ABCB9: variants seen among roughly 807,000 people sequenced by gnomAD.
ABCB9 encodes the protein ABC-type oligopeptide transporter ABCB9.
A neutral mutation model predicts 62.0 loss-of-function variants in ABCB9; 36 were observed. That is an observed-to-expected ratio of 0.58 (90% CI 0.45 to 0.77). The LOEUF (loss-of-function observed/expected upper bound fraction) is 0.77, where lower values mean the gene tolerates loss of function less well. ABCB9 is among the 30% of genes least tolerant of loss of function. ABCB9 has a pLI of 0.00. For missense variants in ABCB9, 943 were observed against 1,054.7 expected (o/e 0.89, Z 1.47); for synonymous variants, 435 against 461.4 (o/e 0.94, Z 0.73).
rs940948186 is a variant in ABCB9, at chr12:122,940,810, C to A, written c.1566G>T (p.Leu522=). The change falls in exon 8 of 12, where the codon CTG becomes CTT. Residue 522 remains leucine (L), a synonymous_variant. Transcript: ENST00000280560. This position sits in a 1 kb window ranked among gnomAD's most constrained non-coding sequence, Gnocchi z 4.8. The stretch of plus-strand genomic sequence containing the variant: ...AGGCCTCAAGCCGCGCCCTCACCTG[C>A]AGGACCTGGGTGTGGGGCCGAGTGC... ...TYRTRPHTQV[L]QNVSFSLSPG... is the part of the protein sequence containing the mutation. 2 of 1,583,578 alleles carry A rather than the reference C, an allele frequency of 1.3e-6. No individual in the cohort carries two copies. Among genetic ancestry groups the A allele is most frequent in the South Asian group, 2.3e-5 (2 of 88,270 alleles).
chr12:122,962,868 G>T (rs2036979157), intron 1 of ABCB9, among the ~76,000 whole-genome samples: 1 of 152,178 alleles, frequency 6.6e-6, no homozygotes, highest in South Asian at 2.1e-4. Context: ...AGAAACTGAG[G>T]CCCAGAGAAG....
At chr12:122,939,009 TA>T (rs1329385714) in intron 9 of ABCB9, among the ~76,000 whole-genome samples, 1 of 151,612 alleles carries the variant, frequency 6.6e-6, no homozygotes, top group Non-Finnish European at 1.5e-5. Flanking sequence ...CTGTCTGTAC[TA>T]AAAATACAAA....
intron 1 of ABCB9, among the ~76,000 whole-genome samples, chr12:122,971,590 A>G (rs1026909625): frequency 1.3e-5 from 2 of 151,906 alleles, no homozygotes; most frequent in Admixed American, 1.3e-4. Flanking sequence ...AGTAGCTGGG[A>G]TCATAGGTGT....
intron 1 of ABCB9, among the ~76,000 whole-genome samples, chr12:122,972,271 C>A (rs1283735895): frequency 6.6e-6 from 1 of 152,102 alleles, no homozygotes; most frequent in Non-Finnish European, 1.5e-5. Context: ...CCTTGGCCTC[C>A]CAAAGTGCTA....
chr12:122,931,868 T>G, intron 11 of ABCB9: 1 of 372,014 alleles, frequency 2.7e-6, no homozygotes, highest in Non-Finnish European at 5.1e-6. Flanking sequence ...GGTCTGCAAC[T>G]CCTGACCTCA....
In ABCB9 at chr12:122,929,016, T is replaced by C. The variant is rs2034993426; in HGVS notation, c.*895A>G. 1 of 985,794 alleles carries C rather than the reference T, an allele frequency of 1.0e-6. No individual in the cohort carries two copies. Among genetic ancestry groups the C allele is most frequent in the Non-Finnish European group, 1.2e-6 (1 of 829,984 alleles). The allele number at this position is 985,794 out of a possible 1,614,324, so 61.1% of individuals were successfully genotyped here. ...GTTAGGGGTAAGAGGTAGTACACTT[T>C]ATTGACCGGGTTCTCTCAACATGTT... On this transcript the variant is annotated 3_prime_UTR_variant, in exon 12 of 12. Coordinates refer to ENST00000280560, the MANE Select transcript of ABCB9 (RefSeq NM_019625.4). This position sits in a 1 kb window ranked among gnomAD's most constrained non-coding sequence, Gnocchi z 6.0.
At chr12:122,921,084 A>G (rs1193967637) in intron 11 of ABCB9, 4 of 1,533,694 alleles carry the variant, frequency 2.6e-6, no homozygotes, top group Non-Finnish European at 3.5e-6. Flanking sequence ...GTCAAAGGAA[A>G]CATTGGGAGT....
rs202150366 is a variant in ABCB9, at chr12:122,940,310, C to T, written c.1570-26G>A. 158 of 1,540,742 alleles carry T rather than the reference C, an allele frequency of 1.0e-4. 1 individual carries two copies. The Middle Eastern group carries it at 3.7e-3, about 36-fold the overall frequency. ...CTGCAAAGAACACACAGGCACAGTG[C>T]GGGGTTATCGGCTCAGGTCCCAGGA... On this transcript the variant is annotated intron_variant, in intron 8 of 11. Transcript: ENST00000280560. This position sits in a 1 kb window ranked among gnomAD's most constrained non-coding sequence, Gnocchi z 4.8.
chr12:122,920,362 GAA>G (rs74263734), downstream of ABCB9, among the ~76,000 whole-genome samples: 25 of 103,282 alleles, frequency 2.4e-4, no homozygotes, highest in East Asian at 7.9e-4. Flanking sequence ...AACTGCAAAG[GAA>G]AAAAAAAAAA....
At chr12:122,973,599 A>AAAAAAAAAAAC (rs2037319420) in intron 1 of ABCB9, among the ~76,000 whole-genome samples, 3 of 145,134 alleles carry the variant, frequency 2.1e-5, no homozygotes, top group Non-Finnish European at 1.5e-5. Flanking sequence ...AAAAAAAAAA[A>AAAAAAAAAAAC]AAAAAAAAAA....
chr12:122,948,960 T>C, intron 4 of ABCB9, 131 bp from the exon 5 acceptor site: 1 of 305,758 alleles, frequency 3.3e-6, no homozygotes, highest in Non-Finnish European at 5.7e-6. Flanking sequence ...GGTTGGGGGG[T>C]GGGGGAGAAG....
chr12:122,939,982 G>T, intron 9 of ABCB9, 129 bp downstream of exon 9: 1 of 1,223,656 alleles, frequency 8.2e-7, no homozygotes, highest in Non-Finnish European at 1.1e-6. Context: ...GGAGGGCATT[G>T]TAATTGGTGA....
intron 1 of ABCB9, among the ~76,000 whole-genome samples, chr12:122,973,599 A>C (rs1238061856): frequency 1.9e-4 from 28 of 145,136 alleles, no homozygotes; most frequent in East Asian, 4.0e-4. Flanking sequence ...AAAAAAAAAA[A>C]AAAAAAAAAA....
chr12:122,928,479 A>T (rs1205717292), downstream of ABCB9, among the ~76,000 whole-genome samples: 2 of 152,006 alleles, frequency 1.3e-5, no homozygotes, highest in Admixed American at 6.6e-5. Flanking sequence ...AAAAAAAAAA[A>T]AAAAAATTGA....
At chr12:122,931,410 C>T (rs2035154615) in intron 11 of ABCB9, 1 of 150,488 alleles carries the variant, frequency 6.6e-6, no homozygotes, top group Admixed American at 6.6e-5. Context: ...CTGCAACCTC[C>T]ATCTCCCGGG....
chr12:122,927,680 T>A (rs932330322), downstream of ABCB9, among the ~76,000 whole-genome samples: 4 of 152,062 alleles, frequency 2.6e-5, no homozygotes, highest in Non-Finnish European at 5.9e-5. Flanking sequence ...GGAGAGGAGC[T>A]TAGACTGGAA....
chr12:122,942,636 A>C (rs922259781), intron 7 of ABCB9, among the ~76,000 whole-genome samples: 2 of 151,380 alleles, frequency 1.3e-5, no homozygotes, highest in Admixed American at 1.3e-4. Context: ...AAAAAAAAAA[A>C]AACCTAAAAA....
intron 7 of ABCB9, 42 bp from the exon 8 acceptor site, chr12:122,941,037 A>C: frequency 6.6e-7 from 1 of 1,517,802 alleles, no homozygotes; most frequent in Non-Finnish European, 8.9e-7. Context: ...CCGATACCCG[A>C]CTCCTGGGAC....
At chr12:122,920,362 GAAA>G (rs74263734), downstream of ABCB9, among the ~76,000 whole-genome samples, 2 of 103,290 alleles carry the variant, frequency 1.9e-5, no homozygotes, top group Non-Finnish European at 4.3e-5. Context: ...AACTGCAAAG[GAAA>G]AAAAAAAAAA....
Sources: gnomAD v4.1 joint callset for allele counts (sites outside exome capture counted in the v4.1 genomes callset) on GRCh38, gnomAD v4.1.1 for gene constraint, Gnocchi (gnomAD v3.1) non-coding constraint, MANE v1.5 for transcripts, NCBI Gene and HGNC (gene_info 2026-07-23, HGNC 2026-07-21) for gene names.